The following ALMS1 variants were observed in gnomAD, a reference collection of about 807,000 sequenced individuals.
ALMS1 encodes the protein centrosome-associated protein ALMS1.
Under a neutral mutation model 352.2 loss-of-function variants are expected in ALMS1, and 271 were observed. The observed-to-expected ratio is 0.77, with a 90% CI of 0.70 to 0.85. ALMS1 has a LOEUF of 0.85. Among genes scored for constraint, ALMS1 ranks in the 40% least tolerant of loss-of-function variants. The pLI is 0.00. For missense variants in ALMS1, 5,445 were observed against 4,870.7 expected, an observed-to-expected ratio of 1.12 and a Z score of -3.51; for synonymous variants, 1,865 against 1,761.2, an observed-to-expected ratio of 1.06 and a Z score of -1.48.
chr2:73,538,159 T>A (rs576929822), intron 12 of ALMS1, among the ~76,000 whole-genome samples: 49 of 152,312 alleles, frequency 3.2e-4, no homozygotes, highest in African/African-American at 1.1e-3. Flanking sequence ...CATTTATCTG[T>A]TGAGAGATTA....
At chr2:73,408,125 G>A (rs1420953348) in intron 1 of ALMS1, among the ~76,000 whole-genome samples, 2 of 152,178 alleles carry the variant, frequency 1.3e-5, no homozygotes, top group African/African-American at 2.4e-5. Context: ...TGGGTGGCTT[G>A]ACCAGGTCAT....
At chr2:73,504,363 G>T (rs1223084277) in intron 10 of ALMS1, among the ~76,000 whole-genome samples, 2 of 152,150 alleles carry the variant, frequency 1.3e-5, no homozygotes, top group African/African-American at 4.8e-5. Flanking sequence ...GAAGTGCTCT[G>T]TCACTGTGAA....
intron 21 of ALMS1, among the ~76,000 whole-genome samples, chr2:73,606,295 T>A (rs1675815268): frequency 6.6e-6 from 1 of 152,242 alleles, no homozygotes; most frequent in Non-Finnish European, 1.5e-5. Flanking sequence ...ATTGGGATCT[T>A]CAGCATTTGG....
Position 73,453,493 on chromosome 2 carries a change from C to G in ALMS1, c.6966C>G (p.Phe2322Leu). The G allele has an allele frequency of 6.2e-7, 1 of 1,613,532 alleles. No homozygotes were observed. The highest frequency in any genetic ancestry group is 8.5e-7 in the Non-Finnish European group (1 of 1,179,822). The change falls in exon 8 of 23, where the codon TTC becomes TTG. Residue 2322 changes from phenylalanine (F) to leucine (L), a missense_variant. Phe to Leu is a conservative substitution (Grantham distance 22, BLOSUM62 0). Transcript: ENST00000613296. ...GTGATTTGCTTCACAGACAGCCATT[C>G]ACAGAGGAAAGCCCAAGCAGCAGGT... ...SNGDLLHRQPFTEESPSSRCI... is the reference protein window; with the variant it reads ...SNGDLLHRQPLTEESPSSRCI...
intron 16 of ALMS1, among the ~76,000 whole-genome samples, chr2:73,590,167 T>A (rs1675397112): frequency 6.6e-6 from 1 of 152,164 alleles, no homozygotes; most frequent in Admixed American, 6.5e-5. Context: ...TACATTCGTT[T>A]GTTCATTCAT....
chr2:73,516,280 A>G (rs1673553070), intron 10 of ALMS1, among the ~76,000 whole-genome samples: 1 of 152,192 alleles, frequency 6.6e-6, no homozygotes, highest in Non-Finnish European at 1.5e-5. Flanking sequence ...TCTATTAATA[A>G]AAAGTAAAAA....
chr2:73,512,990 C>T (rs1364270743), intron 10 of ALMS1, among the ~76,000 whole-genome samples: 2 of 152,154 alleles, frequency 1.3e-5, no homozygotes, highest in African/African-American at 4.8e-5. Flanking sequence ...ATATTAAAAA[C>T]CATATGTTCA....
At chr2:73,543,055 C>CA (rs201508753) in intron 12 of ALMS1, among the ~76,000 whole-genome samples, 2,466 of 152,232 alleles carry the variant, frequency 0.016, 68 homozygotes, top group African/African-American at 0.056. Context: ...CCTGCATCGC[C>CA]ACGTCAATCC....
At chr2:73,577,907 GT>G (rs1331233309) in intron 16 of ALMS1, among the ~76,000 whole-genome samples, 1 of 152,136 alleles carries the variant, frequency 6.6e-6, no homozygotes, top group Admixed American at 6.6e-5. Context: ...GGTTTATAAT[GT>G]TGTTCAAGTC....
intron 12 of ALMS1, among the ~76,000 whole-genome samples, chr2:73,541,059 CA>C (rs1195336146): frequency 6.6e-6 from 1 of 152,218 alleles, no homozygotes; most frequent in Non-Finnish European, 1.5e-5. Flanking sequence ...CCCAAATCAA[CA>C]GAATATACAG....
At chr2:73,414,770 C>T (rs535442741) in intron 2 of ALMS1, among the ~76,000 whole-genome samples, 66 of 151,996 alleles carry the variant, frequency 4.3e-4, no homozygotes, top group Non-Finnish European at 7.7e-4. Flanking sequence ...GCTGCTTTAT[C>T]TTCCTTTGTT....
chr2:73,396,968 T>G (rs1670777661), intron 1 of ALMS1, among the ~76,000 whole-genome samples: 1 of 152,122 alleles, frequency 6.6e-6, no homozygotes, highest in Non-Finnish European at 1.5e-5. Flanking sequence ...TAAAATAGTT[T>G]GAGGGCAAGT....
chr2:73,413,880 A>G (rs1418255186), intron 2 of ALMS1, among the ~76,000 whole-genome samples: 5 of 152,178 alleles, frequency 3.3e-5, no homozygotes, highest in African/African-American at 9.7e-5. Flanking sequence ...TCTGCACACT[A>G]TTCCATTGAT....
At chr2:73,486,677 C>T (rs1672855458) in intron 9 of ALMS1, among the ~76,000 whole-genome samples, 1 of 152,226 alleles carries the variant, frequency 6.6e-6, no homozygotes. Context: ...TTCTTCTCTA[C>T]ATCTTTCAGA....
chr2:73,505,543 CT>C (rs1673302813), intron 10 of ALMS1, among the ~76,000 whole-genome samples: 1 of 152,162 alleles, frequency 6.6e-6, no homozygotes, highest in Admixed American at 6.5e-5. Context: ...TGTTTATATC[CT>C]TCGCCCACTT....
intron 16 of ALMS1, among the ~76,000 whole-genome samples, chr2:73,584,026 A>G (rs1281860860): frequency 1.3e-5 from 2 of 152,132 alleles, no homozygotes; most frequent in Non-Finnish European, 2.9e-5. Flanking sequence ...TTGCTATGTA[A>G]TGCATGTTTC....
At chr2:73,527,467 C>T (rs2103977143) in intron 11 of ALMS1, among the ~76,000 whole-genome samples, 1 of 152,012 alleles carries the variant, frequency 6.6e-6, no homozygotes, top group East Asian at 1.9e-4. Context: ...TGGTCTCTTT[C>T]AATTTTGGAT....
intron 7 of ALMS1, among the ~76,000 whole-genome samples, chr2:73,435,784 G>A (rs1671594113): frequency 6.6e-6 from 1 of 151,998 alleles, no homozygotes; most frequent in Non-Finnish European, 1.5e-5. Context: ...TTTTGGTAGA[G>A]ATGGGATCTC....
At chr2:73,586,869 G>A (rs1675324316) in intron 16 of ALMS1, among the ~76,000 whole-genome samples, 1 of 152,116 alleles carries the variant, frequency 6.6e-6, no homozygotes, top group Non-Finnish European at 1.5e-5. Flanking sequence ...ATTAATTCTA[G>A]CCATCCATGA....
Sources: gnomAD v4.1 joint callset for allele counts (sites outside exome capture counted in the v4.1 genomes callset) on GRCh38, gnomAD v4.1.1 for gene constraint, MANE v1.5 for transcripts, NCBI Gene and HGNC (gene_info 2026-07-23, HGNC 2026-07-21) for gene names.